PLXNA4: variants seen among roughly 807,000 people sequenced by gnomAD.
The protein encoded by PLXNA4 is plexin-A4.
PLXNA4 carries 44 observed loss-of-function variants against 191.8 expected under a neutral mutation model. The observed-to-expected ratio is 0.23, with a 90% CI of 0.18 to 0.29. The LOEUF is 0.29. Ranked by LOEUF, PLXNA4 falls within the 10% of genes least tolerant of loss-of-function variation. PLXNA4 has a pLI of 1.00. For missense variants in PLXNA4, 1,800 were observed against 2,488.8 expected, an observed-to-expected ratio of 0.72 and a Z score of 5.89; for synonymous variants, 1,082 against 1,009.5, an observed-to-expected ratio of 1.07 and a Z score of -1.36.
At chr7:132,587,791 C>G (rs1486065996) in intron 2 of PLXNA4, among the ~76,000 whole-genome samples, 1 of 151,892 alleles carries the variant, frequency 6.6e-6, no homozygotes, top group Admixed American at 6.6e-5. Flanking sequence ...GCACTGTACA[C>G]CTCATTCATC....
chr7:132,328,524 A>T (rs1802464520), intron 3 of PLXNA4, among the ~76,000 whole-genome samples: 1 of 152,178 alleles, frequency 6.6e-6, no homozygotes, highest in African/African-American at 2.4e-5. Flanking sequence ...GTGGAATCAG[A>T]TGTAAGAATC....
intron 9 of PLXNA4, among the ~76,000 whole-genome samples, chr7:132,221,461 C>T (rs1263376279): frequency 2.6e-5 from 4 of 152,128 alleles, no homozygotes; most frequent in Non-Finnish European, 5.9e-5. Flanking sequence ...CAGACCAGAA[C>T]AAGAAAAGGA....
At chr7:132,433,380 C>T (rs940240231) in intron 3 of PLXNA4, among the ~76,000 whole-genome samples, 8 of 152,224 alleles carry the variant, frequency 5.3e-5, no homozygotes, top group African/African-American at 1.7e-4. Flanking sequence ...GGCTTCAGTG[C>T]CACCCTTGCT....
intron 3 of PLXNA4, among the ~76,000 whole-genome samples, chr7:132,402,715 A>T (rs1043236360): frequency 2.0e-5 from 3 of 152,220 alleles, no homozygotes; most frequent in Admixed American, 2.0e-4. Flanking sequence ...CCATCGGATC[A>T]ATCAGGTTTA....
At chr7:132,642,503 C>T (rs1448775504) in intron 2 of PLXNA4, among the ~76,000 whole-genome samples, 1 of 151,686 alleles carries the variant, frequency 6.6e-6, no homozygotes, top group African/African-American at 2.4e-5. Context: ...AGGGATATTC[C>T]AAGGAGAAGG....
At chr7:132,608,581 C>T (rs561680278) in intron 2 of PLXNA4, among the ~76,000 whole-genome samples, 86 of 152,276 alleles carry the variant, frequency 5.6e-4, no homozygotes, top group Middle Eastern at 6.8e-3. Context: ...CCCTCTGACA[C>T]TTACCCTGTG....
At position 132,480,419 on chromosome 7, in the gene PLXNA4, G is replaced by A. The variant is rs141197332; in HGVS notation, c.1371+8873C>T. On this transcript the variant is annotated intron_variant, in intron 3 of 31. Coordinates refer to ENST00000321063, the MANE Select transcript of PLXNA4 (RefSeq NM_020911.2). ...AGCACTTGCAAAGCAATAATGACCCGTGATTAGGAAGAAGCTGTCATCCTC... is the reference window on the plus strand; with the variant it reads ...AGCACTTGCAAAGCAATAATGACCCATGATTAGGAAGAAGCTGTCATCCTC... Among the ~76,000 whole-genome samples, 828 of 152,280 alleles carry A rather than the reference G, an allele frequency of 5.4e-3. 17 individuals are homozygous for A. Among genetic ancestry groups the A allele is most frequent in the African/African-American group, 0.019 (778 of 41,552 alleles).
intron 4 of PLXNA4, among the ~76,000 whole-genome samples, chr7:132,248,254 G>C (rs1280487732): frequency 6.6e-6 from 1 of 152,194 alleles, no homozygotes; most frequent in African/African-American, 2.4e-5. Flanking sequence ...CCAAACCACA[G>C]CCAGGAGACA....
At chr7:132,279,675 A>T (rs1377297308) in intron 4 of PLXNA4, among the ~76,000 whole-genome samples, 1 of 152,110 alleles carries the variant, frequency 6.6e-6, no homozygotes, top group Non-Finnish European at 1.5e-5. Context: ...CTTGGAAGTC[A>T]AGGTCTCACA....
At chr7:132,291,846 G>A (rs1800903458) in intron 4 of PLXNA4, among the ~76,000 whole-genome samples, 3 of 152,158 alleles carry the variant, frequency 2.0e-5, no homozygotes, top group Admixed American at 6.5e-5. Flanking sequence ...ATAGGCTGGA[G>A]TGCAGTGGCA....
At chr7:132,393,594 ACACTGTGCTAAG>A (rs1793614391) in intron 3 of PLXNA4, among the ~76,000 whole-genome samples, 1 of 152,198 alleles carries the variant, frequency 6.6e-6, no homozygotes. Context: ...ACACTACACA[ACACTGTGCTAAG>A]CACTGAGAAT....
intron 1 of PLXNA4, among the ~76,000 whole-genome samples, chr7:132,546,420 A>G (rs1451176610): frequency 6.6e-6 from 1 of 152,242 alleles, no homozygotes; most frequent in African/African-American, 2.4e-5. Flanking sequence ...CCAATGCACC[A>G]GTAAAATTTT....
At chr7:132,289,808 T>C (rs1563014891) in intron 4 of PLXNA4, among the ~76,000 whole-genome samples, 1 of 151,968 alleles carries the variant, frequency 6.6e-6, no homozygotes, top group South Asian at 2.1e-4. Context: ...GCTGGGATTA[T>C]AGGTATGAGC....
At chr7:132,201,431 G>A (rs555674500) in intron 12 of PLXNA4, among the ~76,000 whole-genome samples, 28 of 152,268 alleles carry the variant, frequency 1.8e-4, no homozygotes, top group African/African-American at 6.3e-4. Context: ...CTATGACTGT[G>A]CCTGCCACTG....
intron 3 of PLXNA4, among the ~76,000 whole-genome samples, chr7:132,448,514 T>C (rs762480344): frequency 4.6e-5 from 7 of 152,024 alleles, no homozygotes; most frequent in Non-Finnish European, 8.8e-5. Context: ...GGGAGAGGCA[T>C]AGAAAGGGTG....
chr7:132,249,029 A>G (rs1185028925), intron 4 of PLXNA4, among the ~76,000 whole-genome samples: 3 of 152,198 alleles, frequency 2.0e-5, no homozygotes, highest in Non-Finnish European at 2.9e-5. Context: ...CACTGTCCCT[A>G]CCTGCCTCTA....
chr7:132,202,624 A>C, intron 12 of PLXNA4, 22 bp downstream of exon 12: 3 of 1,448,744 alleles, frequency 2.1e-6, no homozygotes, highest in Non-Finnish European at 2.7e-6. Context: ...CATTTGGAGC[A>C]GGAGGCCCGA....
chr7:132,411,379 C>T (rs925548432), intron 3 of PLXNA4, among the ~76,000 whole-genome samples: 5 of 152,180 alleles, frequency 3.3e-5, no homozygotes, highest in East Asian at 1.9e-4. Context: ...ACTTCTGATG[C>T]GTAATTGACA....
Position 132,181,455 on chromosome 7 carries a change from G to C in PLXNA4, c.3418C>G (p.Pro1140Ala). 3 of 1,614,172 alleles carry C rather than the reference G, an allele frequency of 1.9e-6. No individual in the cohort carries two copies. The highest frequency in any genetic ancestry group is 1.7e-6 in the Non-Finnish European group (2 of 1,180,040). Residue 1140 changes from proline to alanine, a missense_variant, in exon 18 of 32, where the codon CCC becomes GCC. This residue lies in a region of PLXNA4 where 1,397 missense variants were observed against 1,880.4 expected (regional missense o/e 0.74). Coordinates refer to ENST00000321063, the MANE Select transcript of PLXNA4 (RefSeq NM_020911.2). ...ILNKTNFTYY[P>A]NPVFEAFGPS... ...CCAAAGGCCTCAAACACCGGGTTGGGATAGTAGGTGAAGTTGGTCTTGTTG... is the reference window on the plus strand; with the variant it reads ...CCAAAGGCCTCAAACACCGGGTTGGCATAGTAGGTGAAGTTGGTCTTGTTG...
Sources: gnomAD v4.1 joint callset for allele counts (sites outside exome capture counted in the v4.1 genomes callset) on GRCh38, gnomAD v4.1.1 for gene constraint, gnomAD v4.1.1 regional missense constraint, MANE v1.5 for transcripts, NCBI Gene and HGNC (gene_info 2026-07-23, HGNC 2026-07-21) for gene names.